The following MAP2 variants were observed in gnomAD, a reference collection of about 807,000 sequenced individuals.
MAP2 encodes microtubule associated protein 2.
MAP2 carries 14 observed loss-of-function variants against 137.6 expected under a neutral mutation model. The observed-to-expected ratio is 0.10, with a 90% confidence interval of 0.07 to 0.16. The LOEUF is 0.16. Among genes scored for constraint, MAP2 ranks in the 10% least tolerant of loss-of-function variants. The probability of loss-of-function intolerance (pLI) is 1.00; values close to 1 mark genes in which losing one functional copy is unlikely to be tolerated. For synonymous variants in MAP2, 786 were observed against 782.3 expected, an observed-to-expected ratio of 1.00 and a Z score of -0.08; for missense variants, 2,088 against 2,191.5, an observed-to-expected ratio of 0.95 and a Z score of 0.94.
At chr2:209,470,146 T>C (rs1156860964) in intron 1 of MAP2, among the ~76,000 whole-genome samples, 2 of 152,160 alleles carry the variant, frequency 1.3e-5, no homozygotes, top group African/African-American at 4.8e-5. Flanking sequence ...TGTTCAAAAT[T>C]AGTATAGCAT....
chr2:209,652,861 G>GT (rs1411981489), intron 4 of MAP2, among the ~76,000 whole-genome samples: 2 of 151,868 alleles, frequency 1.3e-5, no homozygotes, highest in African/African-American at 4.8e-5. Context: ...TTGTTGTTTG[G>GT]TTTTTTGTTT....
At chr2:209,723,647 G>T (rs913973328) in intron 13 of MAP2, 29 of 1,613,906 alleles carry the variant, frequency 1.8e-5, no homozygotes, top group African/African-American at 2.7e-5. Flanking sequence ...TCCAGATGTG[G>T]TTCCAAGGAT....
Position 209,694,064 on chromosome 2 carries a change from G to A in MAP2, c.1894G>A (p.Ala632Thr). The change falls in exon 8 of 16, where the codon GCA (alanine) becomes ACA (threonine). Residue 632 changes from alanine to threonine, a missense_variant. Coordinates refer to ENST00000682079, the MANE Select transcript of MAP2 (RefSeq NM_001375505.1). Reference protein sequence around the residue: ...TGKESQPSPPAQEAGYSTLAQ... With the variant: ...TGKESQPSPPTQEAGYSTLAQ... ...AAAAGAATCCCAGCCCAGTCCTCCAGCACAAGAAGCAGGGTACAGCACTCT... is the reference window on the plus strand; with the variant it reads ...AAAAGAATCCCAGCCCAGTCCTCCAACACAAGAAGCAGGGTACAGCACTCT... The A allele has an allele frequency of 8.1e-6, 13 of 1,613,194 alleles. No individual in the cohort carries two copies. The highest frequency in any genetic ancestry group is 1.1e-5 in the Non-Finnish European group (13 of 1,179,704).
intron 1 of MAP2, among the ~76,000 whole-genome samples, chr2:209,463,973 C>T (rs950225054): frequency 1.3e-4 from 20 of 152,222 alleles, no homozygotes; most frequent in East Asian, 5.8e-4. Context: ...CAGACATCTC[C>T]CTCACTCTGA....
chr2:209,477,054 T>G (rs531858784), intron 1 of MAP2, among the ~76,000 whole-genome samples: 50 of 152,206 alleles, frequency 3.3e-4, no homozygotes, highest in African/African-American at 1.1e-3. Context: ...TGCCAGCAGG[T>G]TTAACATTCA....
At chr2:209,594,980 C>T (rs1262776843) in intron 3 of MAP2, among the ~76,000 whole-genome samples, 1 of 152,100 alleles carries the variant, frequency 6.6e-6, no homozygotes, top group African/African-American at 2.4e-5. Context: ...ATAACCCCTT[C>T]CCTACTGAAT....
chr2:209,468,317 C>CTTTTTTTTT (rs11450792), intron 1 of MAP2, among the ~76,000 whole-genome samples: 4 of 88,530 alleles, frequency 4.5e-5, no homozygotes, highest in South Asian at 4.9e-4. Flanking sequence ...TTTAGTGTTT[C>CTTTTTTTTT]TTTTTTTTTT....
At chr2:209,597,634 A>G (rs1019109681) in intron 3 of MAP2, among the ~76,000 whole-genome samples, 1 of 152,186 alleles carries the variant, frequency 6.6e-6, no homozygotes, top group Non-Finnish European at 1.5e-5. Context: ...CATTCACCCT[A>G]AAGTGCAGAA....
intron 1 of MAP2, among the ~76,000 whole-genome samples, chr2:209,452,372 A>C (rs959376447): frequency 2.0e-5 from 3 of 152,166 alleles, no homozygotes; most frequent in Non-Finnish European, 2.9e-5. Flanking sequence ...CTAGAAAGGC[A>C]TTCTGTCAGG....
At chr2:209,626,414 A>C (rs1241922899) in intron 4 of MAP2, among the ~76,000 whole-genome samples, 1 of 152,198 alleles carries the variant, frequency 6.6e-6, no homozygotes, top group African/African-American at 2.4e-5. Context: ...ACTCTGTCTC[A>C]AAAAAGTATA....
At chr2:209,558,786 C>T (rs576068086) in intron 2 of MAP2, among the ~76,000 whole-genome samples, 58 of 151,604 alleles carry the variant, frequency 3.8e-4, no homozygotes, top group African/African-American at 1.3e-3. Flanking sequence ...AATTTTGTGA[C>T]GTTAATGTTT....
In MAP2 at chr2:209,675,318, T is replaced by A. The variant is rs182457235; in HGVS notation, c.263-3254T>A. On this transcript the variant is annotated intron_variant, in intron 5 of 15. Transcript: ENST00000682079. The stretch of plus-strand genomic sequence containing the variant: ...TGAGTTCTAATTCCATTATGGGACA[T>A]AAACACACTTATAAATTCATTTTCT... Among the ~76,000 whole-genome samples the A allele has an allele frequency of 1.3e-3, 194 of 151,956 alleles. 1 individual carries two copies. Among genetic ancestry groups the A allele is most frequent in the African/African-American group, 4.4e-3 (184 of 41,526 alleles).
chr2:209,692,489 T>A (rs1419811296), intron 7 of MAP2, 136 bp from the exon 8 acceptor site: 1 of 877,180 alleles, frequency 1.1e-6, no homozygotes, highest in Non-Finnish European at 1.7e-6. Flanking sequence ...GACTTTTACA[T>A]GGGTAGCATG....
chr2:209,431,550 G>A (rs1052092528), intron 1 of MAP2, among the ~76,000 whole-genome samples: 1 of 152,156 alleles, frequency 6.6e-6, no homozygotes. Context: ...AGACTATCAA[G>A]GGCAAATGTT....
rs1282151509 is a variant in MAP2 at position 209,579,391 on chromosome 2, C to G, written c.-171-645C>G. The G allele has an allele frequency of 2.0e-5, 3 of 152,204 alleles. No homozygotes were observed. In the East Asian group the frequency reaches 5.8e-4, roughly 29 times the overall value. 9.4% of individuals were successfully genotyped at this position (152,204 alleles called of 1,614,324 possible). The stretch of plus-strand genomic sequence containing the variant: ...CACTTGGATGGAGGCAATTAAAATG[C>G]CTGTCAGGCATTTGGTACCAGAAGC... On this transcript the variant is annotated intron_variant, in intron 2 of 15. Transcript: ENST00000682079.
intron 6 of MAP2, among the ~76,000 whole-genome samples, chr2:209,679,904 C>T (rs2053801675): frequency 1.3e-5 from 2 of 152,048 alleles, no homozygotes; most frequent in Admixed American, 6.6e-5. Flanking sequence ...CCCAAATCTG[C>T]CTCTAATAAC....
At chr2:209,696,851 G>T in intron 9 of MAP2, 66 bp from the exon 10 acceptor site, 1 of 1,551,136 alleles carries the variant, frequency 6.4e-7, no homozygotes, top group Non-Finnish European at 8.7e-7. Flanking sequence ...ATAAAATTTC[G>T]TTCGGTTTTG....
intron 5 of MAP2, among the ~76,000 whole-genome samples, chr2:209,671,323 T>A (rs2048754973): frequency 6.6e-6 from 1 of 151,984 alleles, no homozygotes; most frequent in African/African-American, 2.4e-5. Context: ...ATCAGTTGAT[T>A]ACAGGAAATA....
At chr2:209,591,385 A>G (rs2079196967) in intron 3 of MAP2, among the ~76,000 whole-genome samples, 1 of 152,218 alleles carries the variant, frequency 6.6e-6, no homozygotes, top group Admixed American at 6.5e-5. Context: ...CTGGCTCACA[A>G]TGACAATAAT....
Sources: gnomAD v4.1 joint callset for allele counts (sites outside exome capture counted in the v4.1 genomes callset) on GRCh38, gnomAD v4.1.1 for gene constraint, MANE v1.5 for transcripts, NCBI Gene and HGNC (gene_info 2026-07-23, HGNC 2026-07-21) for gene names.